MTMR6: variants seen among roughly 807,000 people sequenced by gnomAD.
The protein encoded by MTMR6 is phosphatidylinositol-3,5-bisphosphate 3-phosphatase MTMR6.
MTMR6 carries 47 observed loss-of-function variants against 80.1 expected under a neutral mutation model. That is an observed-to-expected ratio of 0.59 (90% CI 0.46 to 0.75). MTMR6 has a LOEUF of 0.75. Ranked by LOEUF, MTMR6 falls within the 30% of genes least tolerant of loss-of-function variation. MTMR6 has a pLI of 0.00. For synonymous variants in MTMR6, 254 were observed against 253.0 expected (o/e 1.00, Z -0.04); for missense variants, 629 against 730.9 (o/e 0.86, Z 1.61).
At chr13:25,283,331 A>T (rs1234713190) in intron 1 of MTMR6, among the ~76,000 whole-genome samples, 1 of 152,208 alleles carries the variant, frequency 6.6e-6, no homozygotes, top group Non-Finnish European at 1.5e-5. Flanking sequence ...TCAGGGTTTC[A>T]GTTTCCTCAC....
At chr13:25,257,464 C>A (rs941931341) in intron 8 of MTMR6, 143 bp from the exon 9 acceptor site, 96 of 966,722 alleles carry the variant, frequency 9.9e-5, no homozygotes, top group Non-Finnish European at 7.1e-5. Flanking sequence ...CCAAAATACA[C>A]AACAAAATAT....
At chr13:25,261,226 T>C (rs961540943) in intron 6 of MTMR6, among the ~76,000 whole-genome samples, 3 of 143,070 alleles carry the variant, frequency 2.1e-5, no homozygotes, top group Non-Finnish European at 3.0e-5. Flanking sequence ...GGAGAATTGC[T>C]TGAACTGGGA....
chr13:25,254,516 A>C lies in MTMR6; in HGVS notation c.1096-82T>G, dbSNP rs151291883. Reference sequence around the variant, plus strand: ...CTGGATTAAATCTTATTAGTTTAAAAACAGTATTTACTGTACACTTTTAAC... The same window carrying C: ...CTGGATTAAATCTTATTAGTTTAAACACAGTATTTACTGTACACTTTTAAC... On this transcript the variant is annotated intron_variant, in intron 9 of 13. Coordinates refer to ENST00000381801, the MANE Select transcript of MTMR6 (RefSeq NM_004685.5). The C allele has an allele frequency of 5.6e-4, 538 of 955,520 alleles. 2 individuals are homozygous for C. In the African/African-American group the frequency reaches 8.1e-3, roughly 14 times the overall value. The allele number at this position is 955,520 out of a possible 1,614,324, so 59.2% of individuals were successfully genotyped here.
intron 5 of MTMR6, among the ~76,000 whole-genome samples, chr13:25,264,222 C>A (rs1957400771): frequency 6.7e-6 from 1 of 150,150 alleles, no homozygotes. Flanking sequence ...GGATCTAAGA[C>A]ACAGACTGGA....
intron 7 of MTMR6, 94 bp downstream of exon 7, chr13:25,258,466 T>A: frequency 9.3e-7 from 1 of 1,075,918 alleles, no homozygotes; most frequent in Admixed American, 3.5e-5. Context: ...TTTTTACTTT[T>A]TAAAATGTGA....
Position 25,257,794 on chromosome 13 carries a change from C to T in MTMR6, c.911G>A (p.Ser304Asn). Reference protein sequence around the residue: ...SVNDFYSGLESSGWLRHIKAV... With the variant: ...SVNDFYSGLENSGWLRHIKAV... ...TTTGATATGGCGAAGCCATCCCGAGCTCTCCAAACCGGAGTAGAAATCATT... is the reference window on the plus strand; with the variant it reads ...TTTGATATGGCGAAGCCATCCCGAGTTCTCCAAACCGGAGTAGAAATCATT... The change falls in exon 8 of 14, where the codon AGC becomes AAC. Residue 304 changes from serine (S) to asparagine (N), a missense_variant. Coordinates refer to ENST00000381801, the MANE Select transcript of MTMR6 (RefSeq NM_004685.5). 6.2e-7 allele frequency: 1 copy of T among 1,613,954 alleles called. No individual in the cohort carries two copies. The highest frequency in any genetic ancestry group is 8.5e-7 in the Non-Finnish European group (1 of 1,179,884).
At chr13:25,280,512 C>T (rs1957821358) in intron 1 of MTMR6, among the ~76,000 whole-genome samples, 1 of 152,208 alleles carries the variant, frequency 6.6e-6, no homozygotes, top group Admixed American at 6.5e-5. Context: ...CATTGGCATA[C>T]AAATTTCAAA....
intron 6 of MTMR6, 34 bp downstream of exon 6, chr13:25,261,634 A>C (rs1027646573): frequency 2.7e-6 from 4 of 1,485,138 alleles, no homozygotes; most frequent in Admixed American, 2.2e-5. Flanking sequence ...AAAATAATTA[A>C]ACTAGCAGAC....
chr13:25,263,269 A>C (rs1226050494), intron 5 of MTMR6, among the ~76,000 whole-genome samples: 1 of 152,238 alleles, frequency 6.6e-6, no homozygotes, highest in Non-Finnish European at 1.5e-5. Flanking sequence ...TGAAGGCTTG[A>C]GCAGGTATAT....
intron 1 of MTMR6, among the ~76,000 whole-genome samples, chr13:25,274,969 C>T (rs949580720): frequency 3.8e-4 from 45 of 118,842 alleles, no homozygotes; most frequent in South Asian, 3.4e-3. Context: ...CATACACACA[C>T]ACACACACAC....
intron 13 of MTMR6, 74 bp from the exon 14 acceptor site, chr13:25,249,566 G>T: frequency 6.9e-7 from 1 of 1,446,858 alleles, no homozygotes. Flanking sequence ...AAGAAAACAT[G>T]CTTTTGCAAA....
At chr13:25,267,115 G>T (rs931820522) in intron 3 of MTMR6, among the ~76,000 whole-genome samples, 4 of 152,014 alleles carry the variant, frequency 2.6e-5, no homozygotes, top group Non-Finnish European at 5.9e-5. Context: ...GGGTGTGGTG[G>T]TGGCTGCCTG....
At chr13:25,274,029 C>A in intron 2 of MTMR6, 42 bp downstream of exon 2, 1 of 1,228,180 alleles carries the variant, frequency 8.1e-7, no homozygotes, top group Non-Finnish European at 1.2e-6. Context: ...AGACCAAGTC[C>A]ATTATTATTA....
At chr13:25,265,626 G>A (rs1163288704) in intron 5 of MTMR6, among the ~76,000 whole-genome samples, 193 bp downstream of exon 5, 2 of 151,902 alleles carry the variant, frequency 1.3e-5, no homozygotes, top group Non-Finnish European at 2.9e-5. Flanking sequence ...CCAGGTGCTC[G>A]GGAGGCTGAG....
At chr13:25,255,628 ATTC>A (rs553815648) in intron 9 of MTMR6, among the ~76,000 whole-genome samples, 29 of 152,184 alleles carry the variant, frequency 1.9e-4, no homozygotes, top group South Asian at 1.0e-3. Context: ...GGTTCAAGTA[ATTC>A]TTCTGCCTCA....
intron 1 of MTMR6, among the ~76,000 whole-genome samples, chr13:25,284,576 C>G (rs146824388): frequency 6.6e-6 from 1 of 152,152 alleles, no homozygotes; most frequent in Non-Finnish European, 1.5e-5. Flanking sequence ...GGACACTCTA[C>G]GGTCAATTTT....
intron 1 of MTMR6, among the ~76,000 whole-genome samples, chr13:25,278,634 A>C (rs1336718270): frequency 6.9e-6 from 1 of 145,100 alleles, no homozygotes; most frequent in Non-Finnish European, 1.5e-5. Context: ...AATCGCTTGA[A>C]CCCAGGAGGT....
intron 1 of MTMR6, among the ~76,000 whole-genome samples, chr13:25,276,153 G>T (rs1957722527): frequency 6.6e-6 from 1 of 152,172 alleles, no homozygotes; most frequent in African/African-American, 2.4e-5. Context: ...CCACCACCGA[G>T]CAATTATTGC....
At chr13:25,287,119 G>A in intron 1 of MTMR6, 105 bp downstream of exon 1, 2 of 1,487,252 alleles carry the variant, frequency 1.3e-6, no homozygotes, top group Middle Eastern at 1.9e-4. Context: ...GGTCTCCGCC[G>A]GGCCGGCTCC....
Sources: allele counts gnomAD v4.1 joint callset (sites outside exome capture counted in the v4.1 genomes callset), GRCh38; gene constraint gnomAD v4.1.1; transcripts MANE v1.5; gene names NCBI Gene and HGNC (gene_info 2026-07-23, HGNC 2026-07-21).